Variants in OLFML2A observed in about 807,000 individuals in gnomAD.
OLFML2A encodes olfactomedin-like protein 2A.
A neutral mutation model predicts 60.9 loss-of-function variants in OLFML2A; 47 were observed. The ratio of observed to expected loss-of-function variants is 0.77; its 90% CI spans 0.61 to 0.98. The LOEUF (loss-of-function observed/expected upper bound fraction) is 0.98. Ranked by LOEUF, OLFML2A falls within the 50% of genes least tolerant of loss-of-function variation. The pLI is 0.00. For missense variants in OLFML2A, 922 were observed against 879.8 expected (o/e 1.05, Z -0.61); for synonymous variants, 372 against 375.0 (o/e 0.99, Z 0.09).
Position 124,809,950 on chromosome 9 carries a change from G to C in OLFML2A, c.1497G>C (p.Trp499Cys). The C allele has an allele frequency of 6.2e-7, 1 of 1,614,156 alleles. No individual in the cohort carries two copies. Among genetic ancestry groups the C allele is most frequent in the Non-Finnish European group, 8.5e-7 (1 of 1,180,034 alleles). ...YDLRQRFVAS[W>C]ALLPDVVYED... Reference sequence around the variant, plus strand: ...TACGGCAGCGCTTCGTGGCCTCCTGGGCGCTGCTGCCCGACGTGGTATATG... The same window carrying C: ...TACGGCAGCGCTTCGTGGCCTCCTGCGCGCTGCTGCCCGACGTGGTATATG... The change falls in exon 8 of 8, where the codon TGG (tryptophan) becomes TGC (cysteine). Residue 499 changes from tryptophan to cysteine, a missense_variant. Transcript: ENST00000373580.
chr9:124,777,351 C>T lies in OLFML2A; in HGVS notation c.81C>T (p.Ala27=), dbSNP rs1358135110. Reference sequence around the variant, plus strand: ...TGCTGAGCGGCCGCCCCACGCGCGCCGACAGTAAGGTACGCACGCCCCTCG... The same window carrying T: ...TGCTGAGCGGCCGCCCCACGCGCGCTGACAGTAAGGTACGCACGCCCCTCG... ...VLLLSGRPTR[A]DSKVFGDLDQ... Residue 27 remains alanine (A), a synonymous_variant, in exon 1 of 8, where the codon GCC becomes GCT. Coordinates refer to ENST00000373580, the MANE Select transcript of OLFML2A (RefSeq NM_182487.4). The surrounding 1 kb of genome is among the most constrained non-coding windows in gnomAD (Gnocchi z 6.2). 2.3e-6 allele frequency: 3 copies of T among 1,288,136 alleles called. No homozygotes were observed. The highest frequency in any genetic ancestry group is 3.0e-6 in the Non-Finnish European group (3 of 1,012,922). 79.8% of individuals were successfully genotyped at this position (1,288,136 alleles called of 1,614,324 possible).
Position 124,810,424 on chromosome 9 carries a change from T to G in OLFML2A, c.*12T>G, listed in dbSNP as rs762319345. 6.3e-7 allele frequency: 1 copy of G among 1,583,828 alleles called. No individual in the cohort carries two copies. The highest frequency in any genetic ancestry group is 1.1e-5 in the South Asian group (1 of 89,504). On this transcript the variant is annotated 3_prime_UTR_variant, in exon 8 of 8. Transcript: ENST00000373580. ...ACTTCGTGGTCTGAGTGGAGACCTG[T>G]GCTCCCCGGAGAGGGGCAGCAGTGC... is the stretch of plus-strand genomic sequence containing the variant.
chr9:124,785,850 C>T (rs1450653962), intron 1 of OLFML2A, among the ~76,000 whole-genome samples: 5 of 152,098 alleles, frequency 3.3e-5, no homozygotes, highest in African/African-American at 1.2e-4. Flanking sequence ...TGAGGTGGCA[C>T]ATACTGTAAT....
intron 2 of OLFML2A, among the ~76,000 whole-genome samples, chr9:124,791,468 G>A (rs773464380): frequency 1.3e-5 from 2 of 152,208 alleles, no homozygotes; most frequent in African/African-American, 4.8e-5. Context: ...CAGGCGCAGT[G>A]CATCATGAGT....
Position 124,792,888 on chromosome 9 carries a change from A to G in OLFML2A, c.355-2136A>G, listed in dbSNP as rs1412834812. Among the ~76,000 whole-genome samples, 4 of 150,702 alleles carry G rather than the reference A, an allele frequency of 2.7e-5. No homozygotes were observed. The East Asian group carries it at 5.9e-4, about 22-fold the overall frequency. ...GAAATGTCTATGCGCATGATTCTCA[A>G]ATTGTGTTCCAGAGCCCCAGGGGTC... On this transcript the variant is annotated intron_variant, in intron 2 of 7. Transcript: ENST00000373580.
chr9:124,800,042 G>A (rs1841745066), intron 4 of OLFML2A, among the ~76,000 whole-genome samples: 1 of 152,246 alleles, frequency 6.6e-6, no homozygotes, highest in Admixed American at 6.5e-5. Flanking sequence ...TCACTAGGCA[G>A]AGCCACCCAT....
At chr9:124,780,888 A>G (rs915567491) in intron 1 of OLFML2A, among the ~76,000 whole-genome samples, 3 of 152,166 alleles carry the variant, frequency 2.0e-5, no homozygotes, top group African/African-American at 7.2e-5. Flanking sequence ...AAAACTCCTA[A>G]ACAGAGGGAG....
chr9:124,794,039 AC>A (rs1841616958), intron 2 of OLFML2A, among the ~76,000 whole-genome samples: 1 of 152,186 alleles, frequency 6.6e-6, no homozygotes, highest in Non-Finnish European at 1.5e-5. Flanking sequence ...TGAAAAACAA[AC>A]AAACAAGAAA....
chr9:124,799,602 G>A (rs1841736244), intron 4 of OLFML2A, 111 bp downstream of exon 4: 2 of 887,084 alleles, frequency 2.3e-6, no homozygotes, highest in African/African-American at 1.7e-5. Flanking sequence ...GCTGTAAGAT[G>A]GGGTTGAGGA....
chr9:124,794,628 A>C (rs1032777854), intron 2 of OLFML2A, among the ~76,000 whole-genome samples: 1 of 151,864 alleles, frequency 6.6e-6, no homozygotes, highest in Non-Finnish European at 1.5e-5. Flanking sequence ...TATTATTATT[A>C]TTCTTTTTTT....
chr9:124,787,346 C>A, intron 2 of OLFML2A, 108 bp downstream of exon 2: 1 of 1,088,840 alleles, frequency 9.2e-7, no homozygotes, highest in Non-Finnish European at 1.3e-6. Context: ...GTGTTACTGC[C>A]CCATTTCACA....
rs1842078128 is a variant in OLFML2A at position 124,814,391 on chromosome 9, C to T, written c.*3979C>T. 1.3e-5 allele frequency: 2 copies of T among 152,198 alleles called. No individual in the cohort carries two copies. The highest frequency in any genetic ancestry group is 1.3e-4 in the Admixed American group (2 of 15,280). The allele number at this position is 152,198 out of a possible 1,614,324, so 9.4% of individuals were successfully genotyped here. ...CCCGCTCAGGGTAGGGCTGTGAACT[C>T]CCTCTTACAGCTAAGAACATGCAGC... On this transcript the variant is annotated 3_prime_UTR_variant, in exon 8 of 8. Coordinates refer to ENST00000373580, the MANE Select transcript of OLFML2A (RefSeq NM_182487.4).
At chr9:124,796,754 G>C (rs1025303378) in intron 3 of OLFML2A, among the ~76,000 whole-genome samples, 3 of 152,138 alleles carry the variant, frequency 2.0e-5, no homozygotes, top group African/African-American at 7.2e-5. Context: ...CTCAACCAGG[G>C]GTGACTTTGC....
chr9:124,801,066 G>C, intron 4 of OLFML2A: 3 of 1,551,380 alleles, frequency 1.9e-6, no homozygotes, highest in Non-Finnish European at 1.7e-6. Context: ...GAGAGACAAG[G>C]CTGGGAAGGT....
chr9:124,799,548 T>A (rs1242597797), intron 4 of OLFML2A, 57 bp downstream of exon 4: 1 of 1,412,390 alleles, frequency 7.1e-7, no homozygotes, highest in Non-Finnish European at 9.7e-7. Context: ...GAGCTCAGTG[T>A]GCCAGGACGT....
chr9:124,807,329 C>T (rs1162856129), intron 6 of OLFML2A, among the ~76,000 whole-genome samples: 1 of 145,656 alleles, frequency 6.9e-6, no homozygotes, highest in African/African-American at 2.6e-5. Flanking sequence ...ACTCTTGTCG[C>T]CCAGAGTGCA....
rs762620493 is a variant in OLFML2A at position 124,809,801 on chromosome 9, C to T, written c.1355-7C>T. On this transcript the variant is annotated splice_region_variant and splice_polypyrimidine_tract_variant and intron_variant, in intron 7 of 7. Coordinates refer to ENST00000373580, the MANE Select transcript of OLFML2A (RefSeq NM_182487.4). ...AGGTCTGGGGTGACCATCGCCCTCG[C>T]CTGCAGGCCGCTGGAGTAACATGTA... is the stretch of plus-strand genomic sequence containing the variant. 6.3e-7 allele frequency: 1 copy of T among 1,588,874 alleles called. No homozygotes were observed. The highest frequency in any genetic ancestry group is 2.2e-5 in the East Asian group (1 of 44,550).
Position 124,809,851 on chromosome 9 carries a change from C to T in OLFML2A, c.1398C>T (p.Gly466=), listed in dbSNP as rs558399595. The change falls in exon 8 of 8, where the codon GGC becomes GGT. Residue 466 remains glycine (G), a synonymous_variant. Coordinates refer to ENST00000373580, the MANE Select transcript of OLFML2A (RefSeq NM_182487.4). ...NMYKLPYNWI[G]TGHVVYQGAF... ...ACAAGCTACCCTACAACTGGATCGG[C>T]ACAGGCCACGTGGTGTACCAGGGCG... The T allele has an allele frequency of 3.4e-5, 55 of 1,613,704 alleles. 2 individuals carry two copies. In the South Asian group the frequency reaches 5.5e-4, roughly 16 times the overall value.
In OLFML2A at chr9:124,787,253, G is replaced by A; in HGVS notation, c.354+15G>A. On this transcript the variant is annotated intron_variant, in intron 2 of 7. Coordinates refer to ENST00000373580, the MANE Select transcript of OLFML2A (RefSeq NM_182487.4). The stretch of plus-strand genomic sequence containing the variant: ...AGCTCCTCAAGGTAGACTTGGTGGG[G>A]TGATGGAGGGAGTAAGGGCCTATCA... 1 of 1,611,220 alleles carries A rather than the reference G, an allele frequency of 6.2e-7. No homozygotes were observed. The highest frequency in any genetic ancestry group is 8.5e-7 in the Non-Finnish European group (1 of 1,177,702).
Sources: gnomAD v4.1 joint callset for allele counts (sites outside exome capture counted in the v4.1 genomes callset) on GRCh38, gnomAD v4.1.1 for gene constraint, Gnocchi (gnomAD v3.1) non-coding constraint, MANE v1.5 for transcripts, NCBI Gene and HGNC (gene_info 2026-07-23, HGNC 2026-07-21) for gene names.